The following AK5 variants were observed in gnomAD, a reference collection of about 807,000 sequenced individuals.
AK5 encodes the protein adenylate kinase isoenzyme 5.
A neutral mutation model predicts 69.5 loss-of-function variants in AK5; 27 were observed. The ratio of observed to expected loss-of-function variants is 0.39; its 90% CI spans 0.29 to 0.54. The LOEUF is 0.54. Among genes scored for constraint, AK5 ranks in the 20% least tolerant of loss-of-function variants. AK5 has a pLI of 0.71. For missense variants in AK5, 531 were observed against 700.4 expected, an observed-to-expected ratio of 0.76 and a Z score of 2.73; for synonymous variants, 260 against 244.4, an observed-to-expected ratio of 1.06 and a Z score of -0.60.
At position 77,282,908 on chromosome 1, in the gene AK5, G is replaced by T. The variant is rs1658140949; in HGVS notation, c.60+535G>T. On this transcript the variant is annotated intron_variant, in intron 1 of 13. Coordinates refer to ENST00000354567, the MANE Select transcript of AK5 (RefSeq NM_174858.3). ...AAAAGCAAAACCCAACCTATCAAGT[G>T]CCACCTCCCCGGTGACAGGCCCCCA... The T allele has an allele frequency of 5.1e-6, 5 of 985,926 alleles. No homozygotes were observed. In the South Asian group the frequency reaches 1.9e-4, roughly 37 times the overall value. 61.1% of individuals were successfully genotyped at this position (985,926 alleles called of 1,614,324 possible).
intron 5 of AK5, among the ~76,000 whole-genome samples, chr1:77,310,093 G>A (rs1408237494): frequency 1.3e-5 from 2 of 152,036 alleles, no homozygotes; most frequent in African/African-American, 4.8e-5. Flanking sequence ...TATTCTATGT[G>A]CACTAATTCT....
intron 5 of AK5, among the ~76,000 whole-genome samples, chr1:77,338,637 G>T (rs1199034036): frequency 1.3e-5 from 2 of 152,232 alleles, no homozygotes; most frequent in South Asian, 4.2e-4. Context: ...ACCTGGAGAG[G>T]GAAGAGTATG....
chr1:77,293,694 C>A, intron 2 of AK5, 99 bp from the exon 3 acceptor site: 1 of 1,026,392 alleles, frequency 9.7e-7, no homozygotes, highest in African/African-American at 1.7e-5. Flanking sequence ...AAAAAACAAA[C>A]CCATTTAATT....
In AK5 at chr1:77,406,704, G is replaced by GAAAAAAAAAA. The variant is rs752481198; in HGVS notation, c.892-4277_892-4276insAAAAAAAAAA. Among the ~76,000 whole-genome samples the GAAAAAAAAAA allele has an allele frequency of 9.7e-3, 1,427 of 147,428 alleles. 15 individuals carry two copies. The highest frequency in any genetic ancestry group is 0.037 in the South Asian group (170 of 4,586). ...ACATGAGGAAATTGCCTGATGCTGA[G>GAAAAAAAAAA]GAAAAAAAAAAAACATACAAAAGGA... On this transcript the variant is annotated intron_variant, in intron 6 of 13. Transcript: ENST00000354567.
chr1:77,380,579 A>T (rs914791859), intron 6 of AK5, among the ~76,000 whole-genome samples: 2 of 152,248 alleles, frequency 1.3e-5, no homozygotes, highest in Admixed American at 1.3e-4. Flanking sequence ...ATCAACAATC[A>T]TTTATTAAGC....
At chr1:77,391,483 ATGTGTGTGTGTG>A (rs377483838) in intron 6 of AK5, among the ~76,000 whole-genome samples, 3 of 92,490 alleles carry the variant, frequency 3.2e-5, no homozygotes, top group African/African-American at 1.4e-4. Context: ...GTGTGTGTGT[ATGTGTGTGTGTG>A]TATATATATA....
Position 77,293,947 on chromosome 1 carries a change from C to T in AK5, c.402C>T (p.Ile134=). Residue 134 remains isoleucine (I), a synonymous_variant, in exon 3 of 14, where the codon ATC becomes ATT. Coordinates refer to ENST00000354567, the MANE Select transcript of AK5 (RefSeq NM_174858.3). The part of the protein sequence containing the change: ...VFDPTRPRPK[I]ILVIGGPGSG... ...ATCCTACCAGACCTCGACCAAAAAT[C>T]ATTCTTGTTATAGGTATGAGGACAG... The T allele has an allele frequency of 6.2e-7, 1 of 1,611,236 alleles. No individual in the cohort carries two copies. Among genetic ancestry groups the T allele is most frequent in the Non-Finnish European group, 8.5e-7 (1 of 1,179,104 alleles).
At chr1:77,547,241 C>T (rs1477922857) in intron 13 of AK5, among the ~76,000 whole-genome samples, 2 of 148,598 alleles carry the variant, frequency 1.3e-5, no homozygotes, top group Non-Finnish European at 3.0e-5. Context: ...TCCTAAGTAT[C>T]ATTTCAACAT....
chr1:77,454,736 CA>C (rs1174551561), intron 8 of AK5, among the ~76,000 whole-genome samples: 1 of 152,124 alleles, frequency 6.6e-6, no homozygotes, highest in Non-Finnish European at 1.5e-5. Context: ...TTTCATCTCG[CA>C]CACAAATAAT....
intron 6 of AK5, among the ~76,000 whole-genome samples, chr1:77,402,435 T>A (rs1263321268): frequency 5.0e-4 from 69 of 137,708 alleles, no homozygotes; most frequent in South Asian, 1.5e-3. Flanking sequence ...CCTAATGCTA[T>A]CCCTCCCCCC....
chr1:77,308,199 C>T (rs1055468396), intron 5 of AK5, among the ~76,000 whole-genome samples: 15 of 152,022 alleles, frequency 9.9e-5, no homozygotes, highest in African/African-American at 2.7e-4. Flanking sequence ...TACCACAAGC[C>T]GCTTGCAGTG....
chr1:77,514,889 A>G (rs762811203), intron 10 of AK5, among the ~76,000 whole-genome samples: 19 of 152,226 alleles, frequency 1.2e-4, no homozygotes, highest in Non-Finnish European at 2.1e-4. Context: ...GCTCCCAACC[A>G]TCCCAGGAAA....
At chr1:77,495,302 T>A (rs1656245025) in intron 10 of AK5, among the ~76,000 whole-genome samples, 1 of 152,188 alleles carries the variant, frequency 6.6e-6, no homozygotes, top group Non-Finnish European at 1.5e-5. Context: ...GAAACCAAAA[T>A]GTAGGTGAAG....
At chr1:77,357,265 G>A (rs1662583240) in intron 6 of AK5, among the ~76,000 whole-genome samples, 1 of 151,216 alleles carries the variant, frequency 6.6e-6, no homozygotes, top group Admixed American at 6.6e-5. Flanking sequence ...GGCTGACTTT[G>A]AAGTCACAAA....
intron 6 of AK5, among the ~76,000 whole-genome samples, chr1:77,398,676 G>A (rs1648991053): frequency 6.6e-6 from 1 of 152,122 alleles, no homozygotes; most frequent in African/African-American, 2.4e-5. Context: ...TCTAAAACGA[G>A]CATATCATTT....
At chr1:77,546,959 T>C (rs1206542745) in intron 13 of AK5, among the ~76,000 whole-genome samples, 3 of 152,214 alleles carry the variant, frequency 2.0e-5, no homozygotes, top group Non-Finnish European at 2.9e-5. Flanking sequence ...CCAGGAATGC[T>C]GGCCCAGATG....
chr1:77,335,922 C>T (rs986878960), intron 5 of AK5, among the ~76,000 whole-genome samples: 13 of 152,118 alleles, frequency 8.5e-5, no homozygotes, highest in South Asian at 4.1e-4. Context: ...TGGTTCATAG[C>T]GGTCTTTTCT....
At chr1:77,368,755 CT>C (rs1357935812) in intron 6 of AK5, among the ~76,000 whole-genome samples, 1 of 152,104 alleles carries the variant, frequency 6.6e-6, no homozygotes, top group African/African-American at 2.4e-5. Flanking sequence ...GAATTTTCCA[CT>C]TGTGGCATCA....
At chr1:77,353,550 A>G (rs1406233236) in intron 6 of AK5, among the ~76,000 whole-genome samples, 1 of 152,164 alleles carries the variant, frequency 6.6e-6, no homozygotes, top group Non-Finnish European at 1.5e-5. Flanking sequence ...CATTTCAGGT[A>G]AAGATAGGGA....
Sources: gnomAD v4.1 joint callset for allele counts (sites outside exome capture counted in the v4.1 genomes callset) on GRCh38, gnomAD v4.1.1 for gene constraint, MANE v1.5 for transcripts, NCBI Gene and HGNC (gene_info 2026-07-23, HGNC 2026-07-21) for gene names.